COBL: variants seen among roughly 807,000 people sequenced by gnomAD.
The protein encoded by COBL is cordon-bleu WH2 repeat protein.
COBL carries 51 observed loss-of-function variants against 98.8 expected under a neutral mutation model. The observed-to-expected ratio is 0.52, with a 90% confidence interval of 0.41 to 0.65. COBL has a LOEUF of 0.65. Among genes scored for constraint, COBL ranks in the 30% least tolerant of loss-of-function variants. COBL has a pLI of 0.00. For synonymous variants in COBL, 634 were observed against 651.7 expected (o/e 0.97, Z 0.41); for missense variants, 1,617 against 1,617.5 (o/e 1.00, Z 0.01).
At chr7:51,288,924 A>ACAAT (rs1220766069) in intron 1 of COBL, among the ~76,000 whole-genome samples, 1 of 152,238 alleles carries the variant, frequency 6.6e-6, no homozygotes, top group African/African-American at 2.4e-5. Context: ...ATGAACAAGA[A>ACAAT]CAATATAAGA....
intron 6 of COBL, among the ~76,000 whole-genome samples, chr7:51,115,206 T>TG (rs2128982790): frequency 6.6e-6 from 1 of 152,322 alleles, no homozygotes; most frequent in East Asian, 1.9e-4. Flanking sequence ...GTTGATCATA[T>TG]GGTTGATCAT....
chr7:51,279,535 A>G (rs1288958555), intron 1 of COBL, among the ~76,000 whole-genome samples: 1 of 152,172 alleles, frequency 6.6e-6, no homozygotes, highest in African/African-American at 2.4e-5. Flanking sequence ...GATTGCCCGT[A>G]TTCCCTCTGA....
rs1787799372 is a variant in COBL at position 51,028,404 on chromosome 7, C to G, written c.2692G>C (p.Gly898Arg). 8.1e-6 allele frequency: 13 copies of G among 1,614,270 alleles called. No homozygotes were observed. Among genetic ancestry groups the G allele is most frequent in the Non-Finnish European group, 1.1e-5 (13 of 1,180,050 alleles). ...PHGYAEKGYA[G>R]KAPVLAAPPV... ...GGTGCAGCCAGCACTGGCGCCTTGC[C>G]TGCATAACCCTTCTCGGCATAACCG... The change falls in exon 10 of 13, where the codon GGC becomes CGC. Residue 898 changes from glycine (G) to arginine (R), a missense_variant. Physicochemically the swap from Gly to Arg is moderately radical, Grantham distance 125. Transcript: ENST00000265136.
intron 7 of COBL, among the ~76,000 whole-genome samples, chr7:51,068,270 TC>T (rs1792157715): frequency 6.6e-6 from 1 of 152,212 alleles, no homozygotes; most frequent in Non-Finnish European, 1.5e-5. Context: ...TGCACTCACA[TC>T]CCCACATTTT....
At chr7:51,233,622 A>T (rs1794973474) in intron 1 of COBL, among the ~76,000 whole-genome samples, 1 of 152,164 alleles carries the variant, frequency 6.6e-6, no homozygotes, top group African/African-American at 2.4e-5. Context: ...ACTGAAAAGC[A>T]GTGAAATCTG....
chr7:51,185,847 A>G (rs1212882529), intron 4 of COBL, among the ~76,000 whole-genome samples: 1 of 152,228 alleles, frequency 6.6e-6, no homozygotes, highest in African/African-American at 2.4e-5. Context: ...AGGCGTGAAC[A>G]CTGATAGCGT....
At position 51,017,039 on chromosome 7, in the gene COBL, C is replaced by G. The variant is rs934567909; in HGVS notation, c.*512G>C. 2.7e-5 allele frequency: 11 copies of G among 402,244 alleles called. No homozygotes were observed. Among genetic ancestry groups the G allele is most frequent in the African/African-American group, 2.3e-4 (11 of 48,752 alleles). 24.9% of individuals were successfully genotyped at this position (402,244 alleles called of 1,614,324 possible). A position where few individuals can be genotyped will look rare whatever the true frequency, so the allele number is the denominator to read the frequency against. On this transcript the variant is annotated 3_prime_UTR_variant, in exon 13 of 13. Transcript: ENST00000265136. ...AACAAAGCCACCTTTGAAAAGCCTC[C>G]CAATTTTTTTTTCTTACTACCAAAA...
chr7:51,311,289 A>G (rs1259153617), intron 1 of COBL, among the ~76,000 whole-genome samples: 1 of 152,160 alleles, frequency 6.6e-6, no homozygotes, highest in Non-Finnish European at 1.5e-5. Context: ...GCGTGCTAAC[A>G]CCCCAAGAGG....
chr7:51,123,438 G>A (rs1448107867), intron 6 of COBL, among the ~76,000 whole-genome samples: 2 of 152,116 alleles, frequency 1.3e-5, no homozygotes, highest in East Asian at 1.9e-4. Flanking sequence ...TGCCAGTTTT[G>A]CTTAATTTTT....
intron 6 of COBL, among the ~76,000 whole-genome samples, chr7:51,102,103 CA>C (rs979786186): frequency 1.3e-5 from 2 of 152,146 alleles, no homozygotes; most frequent in African/African-American, 4.8e-5. Context: ...CTTCTGGCGC[CA>C]TGATCGTGGA....
chr7:51,076,627 T>G (rs1326647707), intron 7 of COBL, among the ~76,000 whole-genome samples: 1 of 152,250 alleles, frequency 6.6e-6, no homozygotes, highest in Non-Finnish European at 1.5e-5. Flanking sequence ...ATTTCCTTGT[T>G]TTAGAATTTC....
At chr7:51,246,961 C>T (rs1424333561) in intron 1 of COBL, among the ~76,000 whole-genome samples, 5 of 152,234 alleles carry the variant, frequency 3.3e-5, no homozygotes, top group African/African-American at 7.2e-5. Flanking sequence ...GAGCCCAGCA[C>T]GCCCCAGTAA....
rs188554433 is a variant in COBL, at chr7:51,313,577, G to C, written c.41+3016C>G. ...CAGCCATTGATCAAATGCACCAGCTGTTTTGACATTTCATGTCATTGGAGA... is the reference window on the plus strand; with the variant it reads ...CAGCCATTGATCAAATGCACCAGCTCTTTTGACATTTCATGTCATTGGAGA... On this transcript the variant is annotated intron_variant, in intron 1 of 12. Transcript: ENST00000265136. Among the ~76,000 whole-genome samples the C allele has an allele frequency of 8.3e-4, 127 of 152,270 alleles. 2 individuals are homozygous for C. In the East Asian group the frequency reaches 0.016, roughly 19 times the overall value.
At chr7:51,201,334 ACT>A (rs1179490931) in intron 2 of COBL, among the ~76,000 whole-genome samples, 1 of 152,076 alleles carries the variant, frequency 6.6e-6, no homozygotes, top group East Asian at 1.9e-4. Flanking sequence ...TTAAGTCAAA[ACT>A]CTCACAAGTG....
chr7:51,298,582 A>G (rs955482747), intron 1 of COBL, among the ~76,000 whole-genome samples: 5 of 152,230 alleles, frequency 3.3e-5, no homozygotes, highest in Admixed American at 2.0e-4. Context: ...GCTCTTACTT[A>G]GCTCATGGCT....
intron 4 of COBL, among the ~76,000 whole-genome samples, chr7:51,188,445 T>G (rs1285834042): frequency 1.3e-5 from 2 of 152,192 alleles, no homozygotes; most frequent in East Asian, 3.9e-4. Context: ...TTTCGAATAT[T>G]TGACAGTGAG....
At chr7:51,250,963 T>C (rs1210097573) in intron 1 of COBL, among the ~76,000 whole-genome samples, 1 of 152,222 alleles carries the variant, frequency 6.6e-6, no homozygotes, top group Non-Finnish European at 1.5e-5. Context: ...ATAACTAAGG[T>C]ATTACTTGTT....
intron 6 of COBL, among the ~76,000 whole-genome samples, chr7:51,134,952 A>C (rs1363881926): frequency 1.3e-5 from 2 of 152,106 alleles, no homozygotes; most frequent in Admixed American, 6.6e-5. Flanking sequence ...ATATGTATAC[A>C]TTCCTTTTTT....
chr7:51,236,405 G>A (rs1795265032), intron 1 of COBL, among the ~76,000 whole-genome samples: 1 of 152,188 alleles, frequency 6.6e-6, no homozygotes, highest in Non-Finnish European at 1.5e-5. Context: ...ACAGGGCAGG[G>A]CTCTGGGTCA....
Sources: allele counts gnomAD v4.1 joint callset (sites outside exome capture counted in the v4.1 genomes callset), GRCh38; gene constraint gnomAD v4.1.1; transcripts MANE v1.5; gene names NCBI Gene and HGNC (gene_info 2026-07-23, HGNC 2026-07-21).